The following ZNF804B variants were observed in gnomAD, a reference collection of about 807,000 sequenced individuals.
ZNF804B encodes zinc finger 804B.
A neutral mutation model predicts 101.4 loss-of-function variants in ZNF804B; 80 were observed. The ratio of observed to expected loss-of-function variants is 0.79; its 90% CI spans 0.66 to 0.95. The LOEUF (loss-of-function observed/expected upper bound fraction) is 0.95. ZNF804B is among the 40% of genes least tolerant of loss of function. The pLI, the probability that ZNF804B is intolerant of heterozygous loss-of-function variation, is 0.00. For synonymous variants in ZNF804B, 622 were observed against 558.8 expected, an observed-to-expected ratio of 1.11 and a Z score of -1.59; for missense variants, 1,673 against 1,561.9, an observed-to-expected ratio of 1.07 and a Z score of -1.20.
chr7:89,233,058 A>G (rs1033649211), intron 2 of ZNF804B, among the ~76,000 whole-genome samples: 2 of 151,390 alleles, frequency 1.3e-5, no homozygotes, highest in Non-Finnish European at 2.9e-5. Context: ...AGTAGCTGGG[A>G]CTACAGGCGC....
Position 89,291,707 on chromosome 7 carries a change from A to C in ZNF804B, c.250-35637A>C, listed in dbSNP as rs1342729976. Among the ~76,000 whole-genome samples, 3 of 152,174 alleles carry C rather than the reference A, an allele frequency of 2.0e-5. No individual in the cohort carries two copies. The East Asian group carries it at 5.8e-4, about 29-fold the overall frequency. On this transcript the variant is annotated intron_variant, in intron 2 of 3. Coordinates refer to ENST00000333190, the MANE Select transcript of ZNF804B (RefSeq NM_181646.5). ...AAAGAGAGAGAGGGATTAGGGTAGA[A>C]AGTTTATTCAAATGGGTAATAATAG...
At chr7:88,810,912 G>A (rs1019202185) in intron 1 of ZNF804B, among the ~76,000 whole-genome samples, 5 of 151,982 alleles carry the variant, frequency 3.3e-5, no homozygotes, top group Non-Finnish European at 5.9e-5. Context: ...AAATGATTAT[G>A]TATTTTGTAA....
intron 2 of ZNF804B, among the ~76,000 whole-genome samples, chr7:89,280,016 G>A (rs1208867): frequency 2.0e-5 from 3 of 151,368 alleles, no homozygotes; most frequent in Non-Finnish European, 4.4e-5. Flanking sequence ...AAGTAAAGCT[G>A]TCCTCAGCAA....
intron 1 of ZNF804B, among the ~76,000 whole-genome samples, chr7:89,064,097 G>A (rs1583964627): frequency 1.3e-5 from 2 of 152,220 alleles, no homozygotes; most frequent in Non-Finnish European, 2.9e-5. Flanking sequence ...GGATTGGGCA[G>A]AGGGAGAGGT....
At chr7:88,949,350 A>G (rs1318890256) in intron 1 of ZNF804B, among the ~76,000 whole-genome samples, 2 of 151,830 alleles carry the variant, frequency 1.3e-5, no homozygotes, top group Non-Finnish European at 2.9e-5. Flanking sequence ...ATCTTTCCCA[A>G]TTGTGATCAC....
At chr7:88,816,828 T>C (rs1790886815) in intron 1 of ZNF804B, among the ~76,000 whole-genome samples, 1 of 146,030 alleles carries the variant, frequency 6.8e-6, no homozygotes, top group South Asian at 2.3e-4. Context: ...AGTGTGGTGA[T>C]TTCTCAGGGA....
intron 1 of ZNF804B, among the ~76,000 whole-genome samples, chr7:88,973,871 TC>T: frequency 6.6e-6 from 1 of 151,546 alleles, no homozygotes; most frequent in South Asian, 2.1e-4. Context: ...GATGCCATCA[TC>T]CCATTGACAC....
At chr7:88,862,784 C>T (rs1417906541) in intron 1 of ZNF804B, among the ~76,000 whole-genome samples, 10 of 151,660 alleles carry the variant, frequency 6.6e-5, no homozygotes, top group South Asian at 2.1e-4. Flanking sequence ...TCGATGTTTA[C>T]GCTGTCATTT....
At chr7:89,138,622 G>A (rs957754071) in intron 1 of ZNF804B, among the ~76,000 whole-genome samples, 2 of 152,062 alleles carry the variant, frequency 1.3e-5, no homozygotes, top group Admixed American at 6.6e-5. Context: ...GGAGGGGCTA[G>A]AGATGAAATA....
At chr7:89,194,485 T>A (rs1018718419) in intron 1 of ZNF804B, among the ~76,000 whole-genome samples, 5 of 150,496 alleles carry the variant, frequency 3.3e-5, no homozygotes, top group African/African-American at 1.2e-4. Flanking sequence ...GAATTAATTT[T>A]TGTATAAGGT....
At chr7:88,792,519 T>A (rs989533683) in intron 1 of ZNF804B, among the ~76,000 whole-genome samples, 2 of 152,132 alleles carry the variant, frequency 1.3e-5, no homozygotes, top group African/African-American at 4.8e-5. Context: ...ACATTCATGC[T>A]AATCCTGGAC....
chr7:89,054,716 A>G (rs1421706152), intron 1 of ZNF804B, among the ~76,000 whole-genome samples: 3 of 152,112 alleles, frequency 2.0e-5, no homozygotes, highest in East Asian at 1.9e-4. Flanking sequence ...TTATTCATTT[A>G]TTTATTTATT....
chr7:88,794,857 T>C, intron 1 of ZNF804B: 2 of 1,613,560 alleles, frequency 1.2e-6, no homozygotes, highest in Non-Finnish European at 1.7e-6. Flanking sequence ...GTGCAGGTAA[T>C]TGCTACGTGG....
At chr7:88,908,963 C>T (rs930035239) in intron 1 of ZNF804B, among the ~76,000 whole-genome samples, 2 of 151,592 alleles carry the variant, frequency 1.3e-5, no homozygotes, top group Middle Eastern at 3.4e-3. Context: ...AGATATATAC[C>T]ACTGCAGATG....
intron 1 of ZNF804B, among the ~76,000 whole-genome samples, chr7:88,846,961 CAATT>C (rs1291851335): frequency 6.6e-6 from 1 of 151,124 alleles, no homozygotes; most frequent in Admixed American, 6.6e-5. Context: ...CACACACTAA[CAATT>C]ACTTAAGGAT....
intron 1 of ZNF804B, among the ~76,000 whole-genome samples, chr7:89,153,039 T>G (rs6957022): frequency 0.36 from 55,130 of 151,850 alleles, 10,041 homozygotes; most frequent in Middle Eastern, 0.48. Flanking sequence ...TATTATAAAC[T>G]AAGACTCAAA....
At chr7:89,171,328 C>T (rs1316562016) in intron 1 of ZNF804B, among the ~76,000 whole-genome samples, 1 of 130,046 alleles carries the variant, frequency 7.7e-6, no homozygotes, top group Non-Finnish European at 1.7e-5. Context: ...TCTTCTTCTT[C>T]TTCTTCTTCT....
intron 1 of ZNF804B, among the ~76,000 whole-genome samples, chr7:88,960,560 G>T (rs895625732): frequency 6.6e-6 from 1 of 151,290 alleles, no homozygotes; most frequent in African/African-American, 2.4e-5. Context: ...ACTCTCTTAG[G>T]TGACTCTTAG....
rs962479892 is a variant in ZNF804B, at chr7:89,317,067, C to G, written c.250-10277C>G. ...TCAGGACTATTGAGAAAGCCCAACC[C>G]CAGGGCATAGGTATACAGAGACTAA... On this transcript the variant is annotated intron_variant, in intron 2 of 3. Transcript: ENST00000333190. Among the ~76,000 whole-genome samples the G allele has an allele frequency of 3.9e-5, 6 of 152,100 alleles. No homozygotes were observed. The South Asian group carries it at 1.0e-3, about 26-fold the overall frequency.
Sources: gnomAD v4.1 joint callset for allele counts (sites outside exome capture counted in the v4.1 genomes callset) on GRCh38, gnomAD v4.1.1 for gene constraint, MANE v1.5 for transcripts, NCBI Gene and HGNC (gene_info 2026-07-23, HGNC 2026-07-21) for gene names.